Variants in NAALADL2 observed in about 807,000 individuals in gnomAD.
NAALADL2 encodes the protein N-acetylated alpha-linked acidic dipeptidase like 2.
A neutral mutation model predicts 87.2 loss-of-function variants in NAALADL2; 76 were observed. That is an observed-to-expected ratio of 0.87 (90% CI 0.72 to 1.05). The LOEUF (loss-of-function observed/expected upper bound fraction) is 1.05, where lower values mean the gene tolerates loss of function less well. Ranked by LOEUF, NAALADL2 falls within the 50% of genes least tolerant of loss-of-function variation. The pLI, the probability that NAALADL2 is intolerant of heterozygous loss-of-function variation, is 0.00. For synonymous variants in NAALADL2, 354 were observed against 331.0 expected (o/e 1.07, Z -0.75); for missense variants, 1,089 against 945.8 (o/e 1.15, Z -1.99).
intron 1 of NAALADL2, among the ~76,000 whole-genome samples, chr3:174,964,233 T>C (rs2861900): frequency 0.6 from 91,033 of 151,854 alleles, 28,590 homozygotes; most frequent in African/African-American, 0.73. Context: ...GTATGGAAAA[T>C]GGTCTCTATT....
intron 1 of NAALADL2, among the ~76,000 whole-genome samples, chr3:174,517,218 A>G (rs1294562437): frequency 6.6e-6 from 1 of 151,978 alleles, no homozygotes; most frequent in Non-Finnish European, 1.5e-5. Context: ...GGTTGTTGCT[A>G]TTTGCATTTT....
At chr3:174,771,320 C>A (rs1486127266) in intron 3 of NAALADL2, among the ~76,000 whole-genome samples, 1 of 152,104 alleles carries the variant, frequency 6.6e-6, no homozygotes, top group Non-Finnish European at 1.5e-5. Context: ...TTAGGTAAGG[C>A]TTCAAGCTAG....
At chr3:174,779,646 T>C (rs1364492770) in intron 3 of NAALADL2, among the ~76,000 whole-genome samples, 1 of 152,194 alleles carries the variant, frequency 6.6e-6, no homozygotes, top group African/African-American at 2.4e-5. Context: ...GAGTTAATTT[T>C]TGTATAGGTG....
intron 2 of NAALADL2, among the ~76,000 whole-genome samples, chr3:175,148,381 T>A (rs554948119): frequency 1.1e-4 from 16 of 152,120 alleles, no homozygotes; most frequent in African/African-American, 3.6e-4. Flanking sequence ...TTTCTTCAAT[T>A]AGGTAGGTTG....
intron 5 of NAALADL2, among the ~76,000 whole-genome samples, chr3:175,433,114 G>T (rs1013341451): frequency 6.6e-6 from 1 of 151,956 alleles, no homozygotes. Flanking sequence ...CTTCTGGTTT[G>T]CTCCCTGTTT....
chr3:174,856,112 T>G (rs966001456), upstream of NAALADL2, among the ~76,000 whole-genome samples: 5 of 151,858 alleles, frequency 3.3e-5, no homozygotes, highest in South Asian at 1.0e-3. Context: ...ACTCAAGCAA[T>G]CCTCTCATCT....
chr3:175,666,438 A>G (rs76827647), intron 11 of NAALADL2, among the ~76,000 whole-genome samples: 2 of 152,306 alleles, frequency 1.3e-5, no homozygotes, highest in East Asian at 3.9e-4. Context: ...TATCACTTGT[A>G]GTATAGAGAC....
chr3:175,500,551 C>A (rs186628452), intron 9 of NAALADL2, among the ~76,000 whole-genome samples: 3 of 152,048 alleles, frequency 2.0e-5, no homozygotes, highest in Non-Finnish European at 4.4e-5. Context: ...ATGTGTTACA[C>A]ACAAGGGCTA....
chr3:175,579,400 C>G (rs1330094275), intron 10 of NAALADL2, among the ~76,000 whole-genome samples: 2 of 152,154 alleles, frequency 1.3e-5, no homozygotes, highest in African/African-American at 4.8e-5. Context: ...ATATTTCAAG[C>G]TATTCCACAT....
intron 1 of NAALADL2, among the ~76,000 whole-genome samples, chr3:174,911,511 G>A (rs1406938132): frequency 6.6e-6 from 1 of 152,086 alleles, no homozygotes; most frequent in Non-Finnish European, 1.5e-5. Flanking sequence ...TGGTAAGAGT[G>A]CCCCAGTGCA....
intron 8 of NAALADL2, among the ~76,000 whole-genome samples, chr3:175,467,624 T>C (rs1450322539): frequency 6.6e-6 from 1 of 152,196 alleles, no homozygotes; most frequent in Non-Finnish European, 1.5e-5. Flanking sequence ...AATATGGATA[T>C]TGAATGTAAA....
At chr3:175,566,918 T>C (rs1052069929) in intron 9 of NAALADL2, among the ~76,000 whole-genome samples, 14 of 152,300 alleles carry the variant, frequency 9.2e-5, no homozygotes, top group African/African-American at 3.4e-4. Flanking sequence ...CTAATTAATC[T>C]TTTTTATCTT....
At chr3:175,743,595 T>A (rs1408235786) in intron 12 of NAALADL2, among the ~76,000 whole-genome samples, 6 of 152,210 alleles carry the variant, frequency 3.9e-5, no homozygotes. Flanking sequence ...AATGAATGCA[T>A]TGTGATGGAC....
intron 11 of NAALADL2, among the ~76,000 whole-genome samples, chr3:175,697,677 G>A (rs1031962751): frequency 5.3e-5 from 8 of 150,398 alleles, no homozygotes; most frequent in African/African-American, 2.0e-4. Flanking sequence ...CCAAAGTTAA[G>A]TGTTCAACTG....
At chr3:175,400,829 C>CT (rs1430752661) in intron 5 of NAALADL2, among the ~76,000 whole-genome samples, 3 of 152,034 alleles carry the variant, frequency 2.0e-5, no homozygotes, top group African/African-American at 4.8e-5. Context: ...TAGACAAAGC[C>CT]TTAGAATGTC....
intron 1 of NAALADL2, among the ~76,000 whole-genome samples, chr3:174,955,744 T>G (rs1240529169): frequency 2.0e-5 from 3 of 152,128 alleles, no homozygotes; most frequent in Non-Finnish European, 4.4e-5. Flanking sequence ...TTTTTATAAC[T>G]TTAGTGAAGA....
chr3:175,741,044 G>A (rs1745170790), intron 12 of NAALADL2, among the ~76,000 whole-genome samples: 1 of 152,026 alleles, frequency 6.6e-6, no homozygotes, highest in Non-Finnish European at 1.5e-5. Context: ...GAGAATTGCT[G>A]GACTGATTTT....
intron 12 of NAALADL2, among the ~76,000 whole-genome samples, chr3:175,751,707 C>T (rs1746645101): frequency 6.6e-6 from 1 of 152,046 alleles, no homozygotes; most frequent in African/African-American, 2.4e-5. Context: ...TATTAACTCG[C>T]TCTGAGAGAA....
At chr3:175,357,041 A>G (rs988269105) in intron 5 of NAALADL2, among the ~76,000 whole-genome samples, 9 of 152,062 alleles carry the variant, frequency 5.9e-5, no homozygotes, top group Admixed American at 6.6e-5. Context: ...TTCCTAGTCA[A>G]TCATTTATCT....
Sources: gnomAD v4.1 joint callset for allele counts (sites outside exome capture counted in the v4.1 genomes callset) on GRCh38, gnomAD v4.1.1 for gene constraint, MANE v1.5 for transcripts, NCBI Gene and HGNC (gene_info 2026-07-23, HGNC 2026-07-21) for gene names.